LPP: variants seen among roughly 807,000 people sequenced by gnomAD.
LPP encodes the protein lipoma-preferred partner.
LPP carries 38 observed loss-of-function variants against 60.4 expected under a neutral mutation model. That is an observed-to-expected ratio of 0.63 (90% CI 0.49 to 0.83). The LOEUF (loss-of-function observed/expected upper bound fraction) is 0.83, where lower values mean the gene tolerates loss of function less well. LPP is among the 40% of genes least tolerant of loss of function. The probability of loss-of-function intolerance (pLI) is 0.00; values close to 1 mark genes in which losing one functional copy is unlikely to be tolerated. For synonymous variants in LPP, 328 were observed against 290.8 expected, an observed-to-expected ratio of 1.13 and a Z score of -1.30; for missense variants, 902 against 783.6, an observed-to-expected ratio of 1.15 and a Z score of -1.80.
chr3:188,624,378 C>T (rs1312020297), intron 7 of LPP, among the ~76,000 whole-genome samples: 1 of 152,210 alleles, frequency 6.6e-6, no homozygotes. Flanking sequence ...GTTCCATTTA[C>T]TAATCACATT....
At chr3:188,357,339 C>G (rs1767912551) in intron 3 of LPP, among the ~76,000 whole-genome samples, 1 of 152,088 alleles carries the variant, frequency 6.6e-6, no homozygotes, top group Non-Finnish European at 1.5e-5. Flanking sequence ...AGGAATCAAA[C>G]TATGGGATTA....
At chr3:188,489,625 T>C (rs1174639048) in intron 5 of LPP, among the ~76,000 whole-genome samples, 1 of 152,162 alleles carries the variant, frequency 6.6e-6, no homozygotes, top group African/African-American at 2.4e-5. Context: ...CCCAGAACTG[T>C]TGTTGGATGC....
chr3:188,436,256 G>A (rs1395856910), intron 4 of LPP, among the ~76,000 whole-genome samples: 1 of 152,098 alleles, frequency 6.6e-6, no homozygotes, highest in East Asian at 1.9e-4. Flanking sequence ...CTGACCCAAG[G>A]GAGATAAGGT....
intron 1 of LPP, among the ~76,000 whole-genome samples, chr3:188,175,538 T>C (rs568356600): frequency 6.6e-6 from 1 of 152,292 alleles, no homozygotes; most frequent in South Asian, 2.1e-4. Context: ...ATAGTACTCA[T>C]TGGGATGTGT....
chr3:188,830,879 G>A (rs983241508), intron 9 of LPP, among the ~76,000 whole-genome samples: 3 of 152,170 alleles, frequency 2.0e-5, no homozygotes, highest in East Asian at 1.9e-4. Context: ...TTGTTGTTGA[G>A]TCCAGCTGAC....
Position 188,884,739 on chromosome 3 carries a change from C to T in LPP, c.*10260C>T, listed in dbSNP as rs752101117. The stretch of plus-strand genomic sequence containing the variant: ...TCTCCCATGAACCACGATGTACGTT[C>T]CACAGAGGCAGAAACCGCCGTAGGT... On this transcript the variant is annotated 3_prime_UTR_variant, in exon 12 of 12. Transcript: ENST00000617246. 4.4e-6 allele frequency: 1 copy of T among 226,632 alleles called. No individual in the cohort carries two copies. The highest frequency in any genetic ancestry group is 2.2e-5 in the African/African-American group (1 of 44,956). 14.0% of individuals were successfully genotyped at this position (226,632 alleles called of 1,614,324 possible).
At chr3:188,548,718 A>G (rs1054514580) in intron 6 of LPP, among the ~76,000 whole-genome samples, 1 of 152,232 alleles carries the variant, frequency 6.6e-6, no homozygotes, top group Admixed American at 6.5e-5. Context: ...TGCCTCTTCC[A>G]GAAGAATCAG....
intron 4 of LPP, among the ~76,000 whole-genome samples, chr3:188,433,592 C>G (rs963389504): frequency 2.9e-4 from 21 of 71,950 alleles, no homozygotes; most frequent in African/African-American, 1.1e-3. Flanking sequence ...GAGAGAGAGA[C>G]AGAAAGTGAG....
chr3:188,397,894 C>A (rs9815073), intron 3 of LPP, among the ~76,000 whole-genome samples: 38,653 of 151,928 alleles, frequency 0.25, 6,159 homozygotes, highest in Middle Eastern at 0.42. Flanking sequence ...GATTACAGGT[C>A]TGAGCCACTG....
At chr3:188,559,912 C>T (rs1269549444) in intron 6 of LPP, among the ~76,000 whole-genome samples, 2 of 152,084 alleles carry the variant, frequency 1.3e-5, no homozygotes, top group Admixed American at 6.6e-5. Flanking sequence ...TGACCTCCTA[C>T]TTCCAGGACC....
rs748721864 is a variant in LPP, at chr3:188,609,557, A to G, written c.826A>G (p.Ile276Val). ...STRGGMDYAY[I>V]PPPGLQPEPG... ...ACGGGGAGGCATGGATTATGCCTAC[A>G]TTCCACCACCAGGACTTCAGCCGGA... The change falls in exon 7 of 12, where the codon ATT becomes GTT. Residue 276 changes from isoleucine (I) to valine (V), a missense_variant. Ile to Val is a conservative substitution (Grantham distance 29, BLOSUM62 3). Coordinates refer to ENST00000617246, the MANE Select transcript of LPP (RefSeq NM_001375462.1). The surrounding 1 kb of genome is among the most constrained non-coding windows in gnomAD (Gnocchi z 6.9). 1.9e-6 allele frequency: 3 copies of G among 1,614,164 alleles called. No individual in the cohort carries two copies. The highest frequency in any genetic ancestry group is 2.5e-6 in the Non-Finnish European group (3 of 1,180,036).
intron 2 of LPP, among the ~76,000 whole-genome samples, chr3:188,334,540 C>T (rs931934001): frequency 6.0e-5 from 9 of 149,918 alleles, no homozygotes; most frequent in Non-Finnish European, 1.2e-4. Context: ...AAGCGTTTCT[C>T]CTGCCTCAGC....
chr3:188,870,103 A>C (rs1767713928), intron 10 of LPP, among the ~76,000 whole-genome samples: 1 of 152,174 alleles, frequency 6.6e-6, no homozygotes, highest in African/African-American at 2.4e-5. Context: ...TGTAGATAGC[A>C]CTTACCACAG....
At chr3:188,599,790 G>GT (rs1553938528) in intron 6 of LPP, among the ~76,000 whole-genome samples, 205 of 125,480 alleles carry the variant, frequency 1.6e-3, no homozygotes, top group South Asian at 2.4e-3. Flanking sequence ...GTGTGTGTGT[G>GT]GTGTGTGCTT....
At chr3:188,187,182 AG>A (rs748808433) in intron 1 of LPP, among the ~76,000 whole-genome samples, 21 of 152,184 alleles carry the variant, frequency 1.4e-4, no homozygotes, top group Non-Finnish European at 2.4e-4. Flanking sequence ...CGTATAGCTA[AG>A]TCATCTGTGC....
At chr3:188,716,299 A>T (rs1437824547) in intron 8 of LPP, among the ~76,000 whole-genome samples, 2 of 152,260 alleles carry the variant, frequency 1.3e-5, no homozygotes, top group Non-Finnish European at 2.9e-5. Context: ...GTTAACATGA[A>T]CAAAGTGCTA....
chr3:188,849,660 T>C (rs895176691), intron 9 of LPP, among the ~76,000 whole-genome samples: 4 of 144,940 alleles, frequency 2.8e-5, no homozygotes, highest in Admixed American at 7.5e-5. Flanking sequence ...CTTGTGACTT[T>C]GGGTCCATAT....
At chr3:188,704,965 T>C (rs954224910) in intron 7 of LPP, among the ~76,000 whole-genome samples, 3 of 152,122 alleles carry the variant, frequency 2.0e-5, no homozygotes, top group African/African-American at 7.2e-5. Flanking sequence ...TTGTAGTTTT[T>C]CCCACTCACA....
At chr3:188,345,764 C>T (rs995192406) in intron 3 of LPP, among the ~76,000 whole-genome samples, 1 of 152,058 alleles carries the variant, frequency 6.6e-6, no homozygotes, top group African/African-American at 2.4e-5. Flanking sequence ...GCTTCCAGGT[C>T]TGGAGAAGAG....
Sources: gnomAD v4.1 joint callset for allele counts (sites outside exome capture counted in the v4.1 genomes callset) on GRCh38, gnomAD v4.1.1 for gene constraint, Gnocchi (gnomAD v3.1) non-coding constraint, MANE v1.5 for transcripts, NCBI Gene and HGNC (gene_info 2026-07-23, HGNC 2026-07-21) for gene names.